ARID2: variants seen among roughly 807,000 people sequenced by gnomAD.
ARID2 encodes AT-rich interactive domain-containing protein 2.
In ARID2, 32 loss-of-function variants were observed where a neutral mutation model predicts 184.6. The ratio of observed to expected loss-of-function variants is 0.17; its 90% confidence interval spans 0.13 to 0.23. The LOEUF (loss-of-function observed/expected upper bound fraction) is 0.23. Among genes scored for constraint, ARID2 ranks in the 10% least tolerant of loss-of-function variants. The pLI, the probability that ARID2 is intolerant of heterozygous loss-of-function variation, is 1.00. For missense variants in ARID2, 1,696 were observed against 2,197.6 expected (o/e 0.77, Z 4.56); for synonymous variants, 836 against 772.6 (o/e 1.08, Z -1.36).
intron 16 of ARID2, among the ~76,000 whole-genome samples, chr12:45,888,749 A>C (rs746171008): frequency 6.6e-6 from 1 of 152,234 alleles, no homozygotes; most frequent in Non-Finnish European, 1.5e-5. Context: ...TTTCAGAGGA[A>C]TCTTTTTTGC....
At chr12:45,900,644 T>C (rs578235726) in intron 20 of ARID2, among the ~76,000 whole-genome samples, 1 of 152,338 alleles carries the variant, frequency 6.6e-6, no homozygotes, top group South Asian at 2.1e-4. Context: ...TCCCTTTTCG[T>C]TGAAACCCAT....
intron 20 of ARID2, among the ~76,000 whole-genome samples, chr12:45,897,362 C>CA (rs1944383635): frequency 6.6e-6 from 1 of 152,142 alleles, no homozygotes; most frequent in Admixed American, 6.5e-5. Flanking sequence ...ACCAAAGACA[C>CA]AGACAATAAA....
chr12:45,891,978 G>A (rs774225998), intron 17 of ARID2, 33 bp from the exon 18 acceptor site: 30 of 1,613,766 alleles, frequency 1.9e-5, no homozygotes, highest in Non-Finnish European at 2.4e-5. Flanking sequence ...AGATTTTGAC[G>A]TGCCATTCTC....
At chr12:45,805,431 TGAG>T (rs1422386779) in intron 3 of ARID2, among the ~76,000 whole-genome samples, 4 of 152,096 alleles carry the variant, frequency 2.6e-5, no homozygotes, top group African/African-American at 7.2e-5. Flanking sequence ...AAAATTCAGA[TGAG>T]GAGTATTGTT....
chr12:45,766,915 C>T lies in ARID2; in HGVS notation c.284+35601C>T, dbSNP rs144264703. On this transcript the variant is annotated intron_variant, in intron 3 of 20. Coordinates refer to ENST00000334344, the MANE Select transcript of ARID2 (RefSeq NM_152641.4). ...CCTGGGAGGCAGAGATTGCGGTGAG[C>T]CAAGATCGCGCCATTGCACTCCAGC... Among the ~76,000 whole-genome samples, 354 of 150,436 alleles carry T rather than the reference C, an allele frequency of 2.4e-3. 8 individuals carry two copies. The East Asian group carries it at 0.056, about 24-fold the overall frequency.
chr12:45,904,028 T>A (rs965867306), intron 20 of ARID2, among the ~76,000 whole-genome samples: 1 of 152,160 alleles, frequency 6.6e-6, no homozygotes, highest in African/African-American at 2.4e-5. Flanking sequence ...TTACCATTTT[T>A]CTCAGCCCCC....
At chr12:45,758,113 A>T (rs1267691000) in intron 3 of ARID2, among the ~76,000 whole-genome samples, 2 of 152,234 alleles carry the variant, frequency 1.3e-5, no homozygotes, top group Non-Finnish European at 2.9e-5. Context: ...CAGGATGCTT[A>T]CAGTTTCTCG....
intron 3 of ARID2, among the ~76,000 whole-genome samples, chr12:45,737,332 T>G (rs1434362356): frequency 6.6e-6 from 1 of 152,076 alleles, no homozygotes; most frequent in African/African-American, 2.4e-5. Flanking sequence ...TTTTGATGTT[T>G]TGGCTGCTGC....
At chr12:45,903,531 G>A (rs972690173) in intron 20 of ARID2, among the ~76,000 whole-genome samples, 1 of 152,170 alleles carries the variant, frequency 6.6e-6, no homozygotes, top group Non-Finnish European at 1.5e-5. Context: ...TCTTTTGAGT[G>A]TGTGATGGTA....
intron 16 of ARID2, among the ~76,000 whole-genome samples, chr12:45,866,311 A>G (rs1943831198): frequency 6.6e-6 from 1 of 152,186 alleles, no homozygotes; most frequent in South Asian, 2.1e-4. Context: ...TTATGAGGAC[A>G]CATTTCTTTC....
intron 16 of ARID2, among the ~76,000 whole-genome samples, chr12:45,888,020 C>G (rs1004685256): frequency 4.6e-5 from 7 of 151,968 alleles, no homozygotes; most frequent in Non-Finnish European, 8.8e-5. Flanking sequence ...ACGGTGAAAC[C>G]CTGTCTCTAC....
At chr12:45,736,873 A>G (rs1941136316) in intron 3 of ARID2, among the ~76,000 whole-genome samples, 1 of 152,164 alleles carries the variant, frequency 6.6e-6, no homozygotes, top group Non-Finnish European at 1.5e-5. Context: ...AAACATTACT[A>G]CTTCTCTTCC....
At chr12:45,878,473 C>T (rs531907569) in intron 16 of ARID2, among the ~76,000 whole-genome samples, 2 of 152,142 alleles carry the variant, frequency 1.3e-5, no homozygotes, top group Non-Finnish European at 2.9e-5. Context: ...ATCTTACTTA[C>T]ATCTTCAAGT....
chr12:45,795,657 C>T (rs1405227252), intron 3 of ARID2, among the ~76,000 whole-genome samples: 2 of 151,962 alleles, frequency 1.3e-5, no homozygotes, highest in South Asian at 2.1e-4. Context: ...AGGATGGTCT[C>T]GATCTCCTGA....
At position 45,850,761 on chromosome 12, in the gene ARID2, A is replaced by G. The variant is rs1943533276; in HGVS notation, c.2638A>G (p.Ile880Val). 15 of 1,614,120 alleles carry G rather than the reference A, an allele frequency of 9.3e-6. No individual in the cohort carries two copies. The highest frequency in any genetic ancestry group is 1.3e-5 in the Non-Finnish European group (15 of 1,179,988). ...FQVATGQMVT[I>V]AGVPSPQASR... is the part of the protein sequence containing the mutation. ...GGTAGCTACAGGACAAATGGTTACT[A>G]TTGCTGGTGTCCCAAGTCCACAAGC... The change falls in exon 15 of 21, where the codon ATT (isoleucine) becomes GTT (valine). Residue 880 changes from isoleucine (I) to valine (V), a missense_variant. Transcript: ENST00000334344.
intron 20 of ARID2, chr12:45,904,432 C>T: frequency 1.5e-6 from 1 of 678,254 alleles, no homozygotes; most frequent in East Asian, 2.8e-5. Context: ...GTGGCTCACG[C>T]CTGTAATCCC....
chr12:45,749,648 T>C (rs1325787565), intron 3 of ARID2, among the ~76,000 whole-genome samples: 2 of 152,254 alleles, frequency 1.3e-5, no homozygotes, highest in Non-Finnish European at 2.9e-5. Flanking sequence ...TGTTGTTTAG[T>C]GTAGCCAGTT....
At chr12:45,891,969 G>A (rs1944307197) in intron 17 of ARID2, 42 bp from the exon 18 acceptor site, 1 of 1,614,058 alleles carries the variant, frequency 6.2e-7, no homozygotes, top group Non-Finnish European at 8.5e-7. Context: ...CTGCATTAAA[G>A]ATTTTGACGT....
At chr12:45,874,965 A>T (rs941139154) in intron 16 of ARID2, among the ~76,000 whole-genome samples, 1 of 152,126 alleles carries the variant, frequency 6.6e-6, no homozygotes, top group Non-Finnish European at 1.5e-5. Context: ...CCTACAAAAA[A>T]AATAAAAAAT....
Sources: allele counts gnomAD v4.1 joint callset (sites outside exome capture counted in the v4.1 genomes callset), GRCh38; gene constraint gnomAD v4.1.1; transcripts MANE v1.5; gene names NCBI Gene and HGNC (gene_info 2026-07-23, HGNC 2026-07-21).